The following CALD1 variants were observed in gnomAD, a reference collection of about 807,000 sequenced individuals.
The protein encoded by CALD1 is caldesmon 1, also known as caldesmon.
In CALD1, 33 loss-of-function variants were observed where a neutral mutation model predicts 99.9. The ratio of observed to expected loss-of-function variants is 0.33; its 90% CI spans 0.25 to 0.44. The LOEUF (loss-of-function observed/expected upper bound fraction) is 0.44. Ranked by LOEUF, CALD1 falls within the 20% of genes least tolerant of loss-of-function variation. The pLI is 1.00. For missense variants in CALD1, 861 were observed against 962.1 expected (o/e 0.89, Z 1.39); for synonymous variants, 310 against 325.0 (o/e 0.95, Z 0.50).
chr7:134,824,292 C>T (rs371429160), intron 1 of CALD1, among the ~76,000 whole-genome samples: 24 of 152,120 alleles, frequency 1.6e-4, no homozygotes, highest in Non-Finnish European at 2.1e-4. Flanking sequence ...TACACATGAC[C>T]GCTGAAACAA....
intron 1 of CALD1, 122 bp downstream of exon 1, chr7:134,779,871 A>T: frequency 2.5e-6 from 1 of 393,522 alleles, no homozygotes; most frequent in Non-Finnish European, 4.5e-6. Flanking sequence ...GCAATAAACC[A>T]TGCAAACTCC....
At chr7:134,932,250 G>A (rs984017418) in intron 4 of CALD1, among the ~76,000 whole-genome samples, 1 of 152,162 alleles carries the variant, frequency 6.6e-6, no homozygotes, top group African/African-American at 2.4e-5. Flanking sequence ...GAATTGTAAG[G>A]GACACTTAGA....
chr7:134,826,459 G>A (rs1047891654), intron 1 of CALD1, among the ~76,000 whole-genome samples: 2 of 152,072 alleles, frequency 1.3e-5, no homozygotes, highest in African/African-American at 4.8e-5. Context: ...ACACACACCG[G>A]AGCTTTTCTA....
upstream of CALD1, among the ~76,000 whole-genome samples, chr7:134,777,155 T>C (rs530938805): frequency 5.3e-5 from 8 of 152,226 alleles, no homozygotes; most frequent in Middle Eastern, 3.4e-3. Flanking sequence ...TCTTTTTTTT[T>C]CCCCCTTCCT....
chr7:134,852,936 A>G (rs575983893), intron 2 of CALD1, among the ~76,000 whole-genome samples: 1 of 152,186 alleles, frequency 6.6e-6, no homozygotes, highest in Admixed American at 6.5e-5. Context: ...TAAATTTATT[A>G]TGGACTGTTT....
chr7:134,930,196 G>A (rs1805424113), intron 4 of CALD1, among the ~76,000 whole-genome samples: 1 of 152,200 alleles, frequency 6.6e-6, no homozygotes, highest in East Asian at 1.9e-4. Flanking sequence ...GTTGAAATCA[G>A]GGAACTTGAG....
At chr7:134,889,914 T>C (rs1802064573) in intron 3 of CALD1, among the ~76,000 whole-genome samples, 1 of 152,190 alleles carries the variant, frequency 6.6e-6, no homozygotes, top group African/African-American at 2.4e-5. Context: ...TTTTGTTTTG[T>C]TTTTTGTTTT....
At chr7:134,920,520 G>A (rs1306278145) in intron 3 of CALD1, 1 of 1,180,246 alleles carries the variant, frequency 8.5e-7, no homozygotes, top group Non-Finnish European at 1.1e-6. Context: ...TCTTTGGGGT[G>A]TGGCCTTCAT....
chr7:134,753,037 A>C lies in CALD1; in HGVS notation c.-130+8674A>C, dbSNP rs894850051. Among the ~76,000 whole-genome samples the C allele has an allele frequency of 1.1e-4, 16 of 151,988 alleles. 1 individual carries two copies. The highest frequency in any genetic ancestry group is 3.3e-4 in the Admixed American group (5 of 15,268). ...AAAAAAAAAAACAAAAAAAAACAAA[A>C]AAAAAAAACACTTTTCACACTTTTC... On this transcript the variant is annotated intron_variant, in intron 1 of 13. Transcript: ENST00000417172.
chr7:134,795,160 A>C (rs1254239222), intron 1 of CALD1, among the ~76,000 whole-genome samples: 1 of 152,032 alleles, frequency 6.6e-6, no homozygotes, highest in African/African-American at 2.4e-5. Context: ...AAATACTCTA[A>C]AAATTAAAGA....
chr7:134,825,617 G>A (rs185897708), intron 1 of CALD1, among the ~76,000 whole-genome samples: 2 of 152,118 alleles, frequency 1.3e-5, no homozygotes, highest in East Asian at 3.9e-4. Flanking sequence ...GTCATTTAGA[G>A]TTCATTGTTG....
the CALD1 span, among the ~76,000 whole-genome samples, chr7:134,725,768 T>G: frequency 6.6e-6 from 1 of 152,236 alleles, no homozygotes; most frequent in South Asian, 2.1e-4. Flanking sequence ...CTGGATTATC[T>G]GGCTGGGCCC....
intron 1 of CALD1, among the ~76,000 whole-genome samples, chr7:134,818,615 A>G (rs142638892): frequency 1.3e-5 from 2 of 152,202 alleles, no homozygotes; most frequent in Non-Finnish European, 2.9e-5. Flanking sequence ...AGATGAAGCC[A>G]ATTTTTCATA....
chr7:134,770,402 T>C (rs1347019015), intron 1 of CALD1, among the ~76,000 whole-genome samples: 1 of 152,134 alleles, frequency 6.6e-6, no homozygotes, highest in Non-Finnish European at 1.5e-5. Context: ...GAGTACAAAA[T>C]CAAGGTGTCA....
chr7:134,779,058 T>C (rs1285466583), upstream of CALD1, among the ~76,000 whole-genome samples: 1 of 152,172 alleles, frequency 6.6e-6, no homozygotes. Context: ...CAGACCCGGG[T>C]CCTGTCTCCT....
At chr7:134,803,777 C>A (rs1386076019) in intron 1 of CALD1, among the ~76,000 whole-genome samples, 2 of 151,128 alleles carry the variant, frequency 1.3e-5, no homozygotes, top group Non-Finnish European at 2.9e-5. Context: ...CTCGCTGCAA[C>A]CTTCGCCTCC....
the CALD1 span, among the ~76,000 whole-genome samples, chr7:134,734,362 T>G: frequency 1.1e-4 from 2 of 18,478 alleles, no homozygotes; most frequent in Non-Finnish European, 1.8e-4. Context: ...GGGTTTTTTG[T>G]TTTTACTATG....
intron 7 of CALD1, among the ~76,000 whole-genome samples, chr7:134,941,624 A>G (rs1487802971): frequency 6.6e-6 from 1 of 150,968 alleles, no homozygotes; most frequent in Non-Finnish European, 1.5e-5. Context: ...CTTTCTCAGT[A>G]CCATTTTCAA....
the CALD1 span, among the ~76,000 whole-genome samples, chr7:134,717,158 A>C: frequency 2.0e-5 from 3 of 152,212 alleles, no homozygotes; most frequent in Non-Finnish European, 4.4e-5. Context: ...AACATCTGAC[A>C]TTAGTGTGGT....
Sources: allele counts gnomAD v4.1 joint callset (sites outside exome capture counted in the v4.1 genomes callset), GRCh38; gene constraint gnomAD v4.1.1; transcripts MANE v1.5; gene names NCBI Gene and HGNC (gene_info 2026-07-23, HGNC 2026-07-21).